SLC75A1: variants seen among roughly 807,000 people sequenced by gnomAD.
SLC75A1 encodes the protein solute carrier family 75 member 1.
chr4:2,933,208 A>G, the SLC75A1 span: 1 of 1,613,458 alleles, frequency 6.2e-7, no homozygotes, highest in Non-Finnish European at 8.5e-7. Context: ...AGCCAATGAG[A>G]CCTGAGAGAC....
chr4:2,932,403 T>G, the SLC75A1 span: 1 of 1,613,384 alleles, frequency 6.2e-7, no homozygotes, highest in Non-Finnish European at 8.5e-7. Flanking sequence ...GAACAGCAGG[T>G]CGGAGGCTGC....
chr4:2,933,962 G>C, the SLC75A1 span: 16 of 1,535,878 alleles, frequency 1.0e-5, no homozygotes, highest in Non-Finnish European at 5.3e-6. Flanking sequence ...GGGTGCGGCG[G>C]GTCGGGTTAG....
At chr4:2,933,578 A>G in the SLC75A1 span, 1 of 1,613,684 alleles carries the variant, frequency 6.2e-7, no homozygotes, top group African/African-American at 1.3e-5. Flanking sequence ...TCCGAACAGG[A>G]CACTGTTGTA....
chr4:2,931,928 T>A, the SLC75A1 span: 1 of 1,608,298 alleles, frequency 6.2e-7, no homozygotes. Flanking sequence ...CGGCGCAGGC[T>A]GCTGAGCCCT....
the SLC75A1 span, chr4:2,931,097 G>C: frequency 6.3e-7 from 1 of 1,594,142 alleles, no homozygotes. Flanking sequence ...GCCCTGGCCA[G>C]AGCACCTAGG....
At chr4:2,932,663 G>C in the SLC75A1 span, 1 of 1,611,836 alleles carries the variant, frequency 6.2e-7, no homozygotes, top group Non-Finnish European at 8.5e-7. Context: ...AGAGGCTGAC[G>C]TTCCCTTTGC....
At chr4:2,933,117 G>C in the SLC75A1 span, 2 of 1,613,340 alleles carry the variant, frequency 1.2e-6, no homozygotes, top group Non-Finnish European at 1.7e-6. Flanking sequence ...AGGCACAGCA[G>C]CATCACCGGG....
chr4:2,931,346 G>T, the SLC75A1 span: 1 of 1,544,102 alleles, frequency 6.5e-7, no homozygotes, highest in South Asian at 1.2e-5. Context: ...GCTGCCCATC[G>T]GATCCCCTGC....
At chr4:2,933,948 G>A in the SLC75A1 span, 1 of 1,545,282 alleles carries the variant, frequency 6.5e-7, no homozygotes, top group Non-Finnish European at 8.7e-7. Context: ...ACCTGGCCTG[G>A]GTGGGGTGCG....
At chr4:2,932,035 G>A in the SLC75A1 span, 51 of 1,610,186 alleles carry the variant, frequency 3.2e-5, no homozygotes, top group Non-Finnish European at 3.8e-5. Flanking sequence ...TGGGTTGGTC[G>A]AGTCCTTACT....
the SLC75A1 span, chr4:2,933,323 C>T: frequency 9.2e-7 from 1 of 1,092,632 alleles, no homozygotes; most frequent in Non-Finnish European, 1.3e-6. Flanking sequence ...CTGGGCCCTA[C>T]ACTCACAGGC....
the SLC75A1 span, chr4:2,933,518 C>A: frequency 2.1e-5 from 33 of 1,593,004 alleles, no homozygotes; most frequent in Non-Finnish European, 2.8e-5. Context: ...CCACGTCCAC[C>A]AAACATAGGA....
the SLC75A1 span, chr4:2,931,133 C>T: frequency 1.3e-6 from 2 of 1,571,932 alleles, no homozygotes; most frequent in Non-Finnish European, 8.6e-7. Flanking sequence ...ATGACCGTGC[C>T]CTTCTGCCCT....
At chr4:2,934,102 G>T in the SLC75A1 span, 2 of 669,314 alleles carry the variant, frequency 3.0e-6, no homozygotes, top group East Asian at 5.5e-5. Context: ...CGATGCCCCC[G>T]CCCCGAACCC....
chr4:2,932,324 C>A, the SLC75A1 span: 2 of 1,603,978 alleles, frequency 1.2e-6, no homozygotes, highest in African/African-American at 1.3e-5. Flanking sequence ...AGCCCCTAGG[C>A]CTGTGGGTCC....
At chr4:2,932,793 T>C in the SLC75A1 span, 1 of 1,531,444 alleles carries the variant, frequency 6.5e-7, no homozygotes, top group Non-Finnish European at 8.7e-7. Context: ...GCAGGGGCGG[T>C]CGCTTAAGGC....
the SLC75A1 span, chr4:2,932,438 C>T: frequency 1.2e-6 from 2 of 1,613,730 alleles, no homozygotes; most frequent in Non-Finnish European, 8.5e-7. Context: ...ACCAGGGTGC[C>T]ATTTCCAGGG....
the SLC75A1 span, chr4:2,930,842 T>G: frequency 6.2e-7 from 1 of 1,612,960 alleles, no homozygotes; most frequent in African/African-American, 1.3e-5. Context: ...GCTCAGCTAC[T>G]CAGCCTTGAG....
At chr4:2,932,432 G>A in the SLC75A1 span, 1 of 1,613,754 alleles carries the variant, frequency 6.2e-7, no homozygotes, top group South Asian at 1.1e-5. Flanking sequence ...GGGCAAACCA[G>A]GGTGCCATTT....
Sources: gnomAD v4.1 joint callset for allele counts on GRCh38, gnomAD v4.1.1 for gene constraint, MANE v1.5 for transcripts, NCBI Gene and HGNC (gene_info 2026-07-23, HGNC 2026-07-21) for gene names.